Variants in STPG2 observed in about 807,000 individuals in gnomAD.
The protein encoded by STPG2 is sperm tail PG-rich repeat containing 2.
A neutral mutation model predicts 54.2 loss-of-function variants in STPG2; 56 were observed. The observed-to-expected ratio is 1.03, with a 90% CI of 0.83 to 1.29. STPG2 has a LOEUF of 1.29. Among genes scored for constraint, STPG2 ranks in the 50% most tolerant of loss-of-function variants. STPG2 has a pLI of 0.00. For synonymous variants in STPG2, 200 were observed against 181.8 expected, an observed-to-expected ratio of 1.10 and a Z score of -0.81; for missense variants, 596 against 544.9, an observed-to-expected ratio of 1.09 and a Z score of -0.93.
Position 97,695,965 on chromosome 4 carries a change from T to A in STPG2, c.1320+16734A>T, listed in dbSNP as rs1723557572. ...AAATTCAATGCAGTTCCCATCAAACTGCATTGTGTGTGGAGACTCCATCAT... is the reference window on the plus strand; with the variant it reads ...AAATTCAATGCAGTTCCCATCAAACAGCATTGTGTGTGGAGACTCCATCAT... On this transcript the variant is annotated intron_variant, in intron 10 of 10. Coordinates refer to ENST00000295268, the MANE Select transcript of STPG2 (RefSeq NM_174952.3). Among the ~76,000 whole-genome samples, 5 of 151,950 alleles carry A rather than the reference T, an allele frequency of 3.3e-5. No homozygotes were observed. The South Asian group carries it at 1.0e-3, about 31-fold the overall frequency.
intron 10 of STPG2, among the ~76,000 whole-genome samples, chr4:97,707,396 T>C (rs377319318): frequency 1.3e-5 from 2 of 152,000 alleles, no homozygotes; most frequent in African/African-American, 2.4e-5. Context: ...TGGTGCGTGC[T>C]TGTAGTTCCA....
intron 10 of STPG2, among the ~76,000 whole-genome samples, chr4:97,615,526 G>C (rs1395947341): frequency 6.6e-5 from 10 of 151,982 alleles, no homozygotes; most frequent in Admixed American, 6.6e-4. Flanking sequence ...AGCCTCATGA[G>C]ATCCTCCCAT....
At chr4:97,681,088 A>T (rs1245225088) in intron 10 of STPG2, among the ~76,000 whole-genome samples, 1 of 151,986 alleles carries the variant, frequency 6.6e-6, no homozygotes, top group East Asian at 1.9e-4. Flanking sequence ...TTCAAACTGC[A>T]TATGTAGTAA....
intron 9 of STPG2, among the ~76,000 whole-genome samples, chr4:97,790,073 C>T (rs936298584): frequency 2.6e-5 from 4 of 152,126 alleles, no homozygotes; most frequent in African/African-American, 4.8e-5. Context: ...TAACTTGTGA[C>T]TTTGCATTTA....
chr4:98,104,444 A>G (rs1249988156), intron 5 of STPG2, among the ~76,000 whole-genome samples: 1 of 152,184 alleles, frequency 6.6e-6, no homozygotes, highest in Non-Finnish European at 1.5e-5. Context: ...TGTATAAGGT[A>G]AAGAAATAAA....
At chr4:97,949,379 A>G (rs1401226747) in intron 7 of STPG2, among the ~76,000 whole-genome samples, 5 of 152,040 alleles carry the variant, frequency 3.3e-5, no homozygotes, top group Non-Finnish European at 1.5e-5. Flanking sequence ...TAATCTGCCA[A>G]TCTGTATATT....
intron 4 of STPG2, among the ~76,000 whole-genome samples, chr4:97,452,347 G>C (rs1729399326): frequency 6.6e-6 from 1 of 152,160 alleles, no homozygotes; most frequent in South Asian, 2.1e-4. Flanking sequence ...GGTGGAGACA[G>C]ACAGATTCCT....
chr4:97,965,744 G>C (rs766594650), intron 7 of STPG2, among the ~76,000 whole-genome samples: 3 of 152,160 alleles, frequency 2.0e-5, no homozygotes, highest in Non-Finnish European at 2.9e-5. Context: ...TAGACCTCCA[G>C]CAAACTCCAA....
At chr4:97,646,066 G>A (rs1333202854) in intron 10 of STPG2, among the ~76,000 whole-genome samples, 1 of 152,060 alleles carries the variant, frequency 6.6e-6, no homozygotes, top group Non-Finnish European at 1.5e-5. Context: ...GAAGACCATG[G>A]GCTCTAAGTC....
At chr4:98,016,116 T>TTG (rs1360570244) in intron 5 of STPG2, among the ~76,000 whole-genome samples, 1 of 152,032 alleles carries the variant, frequency 6.6e-6, no homozygotes, top group Non-Finnish European at 1.5e-5. Context: ...AGATGAGGGG[T>TTG]TGATGGGTGC....
chr4:97,902,036 C>A (rs13107606), intron 8 of STPG2, among the ~76,000 whole-genome samples: 85,848 of 151,866 alleles, frequency 0.57, 24,628 homozygotes, highest in East Asian at 0.74. Context: ...GGCAAAATCA[C>A]CAAAAATGAA....
chr4:97,957,847 C>T (rs185279844), intron 7 of STPG2, among the ~76,000 whole-genome samples: 95 of 152,252 alleles, frequency 6.2e-4, no homozygotes, highest in Admixed American at 1.0e-3. Flanking sequence ...AAACATACAA[C>T]CTTTTCAGAC....
At position 97,834,685 on chromosome 4, in the gene STPG2, C is replaced by T. The variant is rs575200476; in HGVS notation, c.1204+6088G>A. 3.3e-5 allele frequency among the ~76,000 whole-genome samples: 5 copies of T among 152,072 alleles called. No individual in the cohort carries two copies. In the East Asian group the frequency reaches 7.7e-4, roughly 24 times the overall value. ...AGATGCTAGTCTCATCAGTTGTTTT[C>T]GAGTTTTTTATACAATTTAGACTAA... On this transcript the variant is annotated intron_variant, in intron 9 of 10. Coordinates refer to ENST00000295268, the MANE Select transcript of STPG2 (RefSeq NM_174952.3).
intron 9 of STPG2, among the ~76,000 whole-genome samples, chr4:97,756,788 A>T (rs1295784442): frequency 1.3e-5 from 2 of 152,148 alleles, no homozygotes; most frequent in East Asian, 3.8e-4. Flanking sequence ...ATGGAAAAAA[A>T]AAACTGATTG....
chr4:98,032,239 A>G (rs1736620790), intron 5 of STPG2, among the ~76,000 whole-genome samples: 1 of 152,140 alleles, frequency 6.6e-6, no homozygotes, highest in South Asian at 2.1e-4. Flanking sequence ...AAAAGAAGTC[A>G]CTATACAAAA....
intron 5 of STPG2, among the ~76,000 whole-genome samples, chr4:98,018,450 C>A (rs1011483607): frequency 6.6e-6 from 1 of 152,172 alleles, no homozygotes; most frequent in Non-Finnish European, 1.5e-5. Context: ...CAAGTCTTTG[C>A]GATTGTGAGT....
intron 8 of STPG2, among the ~76,000 whole-genome samples, chr4:97,847,527 G>C (rs948937487): frequency 1.1e-4 from 17 of 152,080 alleles, no homozygotes; most frequent in Admixed American, 6.6e-4. Flanking sequence ...GAATTGACTG[G>C]AAAACATGAT....
At chr4:97,585,113 A>AC (rs1472543239) in intron 10 of STPG2, among the ~76,000 whole-genome samples, 2 of 147,608 alleles carry the variant, frequency 1.4e-5, no homozygotes, top group Non-Finnish European at 3.0e-5. Context: ...AAAAAAAAAA[A>AC]AAAAAAAAAA....
intron 9 of STPG2, among the ~76,000 whole-genome samples, chr4:97,738,848 T>C (rs1053803789): frequency 3.3e-5 from 5 of 152,318 alleles, no homozygotes; most frequent in Admixed American, 3.3e-4. Context: ...AACTCAGCTC[T>C]GCACCAAGTG....
Sources: gnomAD v4.1 joint callset for allele counts (sites outside exome capture counted in the v4.1 genomes callset) on GRCh38, gnomAD v4.1.1 for gene constraint, MANE v1.5 for transcripts, NCBI Gene and HGNC (gene_info 2026-07-23, HGNC 2026-07-21) for gene names.